AKAIN1: variants seen among roughly 807,000 people sequenced by gnomAD.
AKAIN1 encodes the protein A-kinase anchor protein inhibitor 1.
In AKAIN1, 3 loss-of-function variants were observed where a neutral mutation model predicts 3.7. The ratio of observed to expected loss-of-function variants is 0.82; its 90% confidence interval spans 0.37 to 2.12. The LOEUF (loss-of-function observed/expected upper bound fraction) is 2.12, where lower values mean the gene tolerates loss of function less well. Ranked by LOEUF, AKAIN1 falls within the 30% of genes most tolerant of loss-of-function variation. The pLI is 0.06. For synonymous variants in AKAIN1, 31 were observed against 30.8 expected, an observed-to-expected ratio of 1.01 and a Z score of -0.02; for missense variants, 82 against 82.7, an observed-to-expected ratio of 0.99 and a Z score of 0.03.
chr18:5,177,676 A>T (rs2071234008), intron 1 of AKAIN1, among the ~76,000 whole-genome samples: 1 of 152,172 alleles, frequency 6.6e-6, no homozygotes, highest in Admixed American at 6.5e-5. Flanking sequence ...TAAATAATAA[A>T]AAATGCTGTT....
At chr18:5,171,657 T>C (rs2071198625) in intron 1 of AKAIN1, among the ~76,000 whole-genome samples, 1 of 152,086 alleles carries the variant, frequency 6.6e-6, no homozygotes, top group Non-Finnish European at 1.5e-5. Context: ...TCACCCCAGC[T>C]AAAATGGTTT....
chr18:5,153,859 C>A (rs891249311), intron 1 of AKAIN1, among the ~76,000 whole-genome samples: 1 of 151,490 alleles, frequency 6.6e-6, no homozygotes, highest in Non-Finnish European at 1.5e-5. Flanking sequence ...AAATGAACCA[C>A]TCTGTGGGGG....
chr18:5,186,623 T>A (rs193046518), intron 1 of AKAIN1, among the ~76,000 whole-genome samples: 1 of 152,238 alleles, frequency 6.6e-6, no homozygotes, highest in African/African-American at 2.4e-5. Context: ...TTCTAGTAAT[T>A]AATATGCCAA....
intron 1 of AKAIN1, among the ~76,000 whole-genome samples, chr18:5,155,099 T>A (rs1249277507): frequency 2.0e-5 from 3 of 152,008 alleles, no homozygotes; most frequent in Admixed American, 2.0e-4. Flanking sequence ...TTGCCCAGGC[T>A]AGTCTCGAAC....
intron 1 of AKAIN1, among the ~76,000 whole-genome samples, chr18:5,179,363 C>A (rs1049627069): frequency 2.6e-5 from 4 of 151,906 alleles, no homozygotes; most frequent in Admixed American, 1.3e-4. Flanking sequence ...CATGTTGCCA[C>A]AAAAGACATG....
At chr18:5,196,830 C>T (rs1289686655) in intron 1 of AKAIN1, among the ~76,000 whole-genome samples, 1 of 152,168 alleles carries the variant, frequency 6.6e-6, no homozygotes, top group Non-Finnish European at 1.5e-5. Context: ...CGAGGAAGGG[C>T]TGGAGATTGT....
At chr18:5,157,881 A>G (rs2071117308) in intron 1 of AKAIN1, among the ~76,000 whole-genome samples, 1 of 151,998 alleles carries the variant, frequency 6.6e-6, no homozygotes, top group Admixed American at 6.6e-5. Flanking sequence ...TTTTGCAGAG[A>G]TAGGGTCTCA....
intron 1 of AKAIN1, among the ~76,000 whole-genome samples, chr18:5,166,537 C>CTA (rs1474725069): frequency 6.6e-6 from 1 of 152,004 alleles, no homozygotes; most frequent in Admixed American, 6.6e-5. Context: ...CACCATACTT[C>CTA]TATATACTTC....
At chr18:5,184,033 C>T (rs1009818) in intron 1 of AKAIN1, among the ~76,000 whole-genome samples, 1 of 151,710 alleles carries the variant, frequency 6.6e-6, no homozygotes, top group South Asian at 2.1e-4. Context: ...CAAAAAACAC[C>T]AAAATATGAA....
Position 5,197,119 on chromosome 18 carries a change from A to C in AKAIN1, c.-66T>G. ...GACAGGCAGACGGAGGATGGGAAGAAGGCCGGACTTGGCGGGGTCCGGTGC... is the reference window on the plus strand; with the variant it reads ...GACAGGCAGACGGAGGATGGGAAGACGGCCGGACTTGGCGGGGTCCGGTGC... On this transcript the variant is annotated 5_prime_UTR_variant, in exon 1 of 2. Transcript: ENST00000434239. The surrounding 1 kb of genome is among the most constrained non-coding windows in gnomAD (Gnocchi z 6.9). 1.3e-6 allele frequency: 2 copies of C among 1,548,714 alleles called. No individual in the cohort carries two copies. The highest frequency in any genetic ancestry group is 1.7e-6 in the Non-Finnish European group (2 of 1,146,674).
At chr18:5,178,866 A>C (rs2071241100) in intron 1 of AKAIN1, among the ~76,000 whole-genome samples, 1 of 152,144 alleles carries the variant, frequency 6.6e-6, no homozygotes, top group African/African-American at 2.4e-5. Flanking sequence ...ACAGATAGTA[A>C]TGGGGTGAGC....
chr18:5,171,513 T>A (rs2071197554), intron 1 of AKAIN1, among the ~76,000 whole-genome samples: 1 of 151,950 alleles, frequency 6.6e-6, no homozygotes, highest in African/African-American at 2.4e-5. Context: ...AATAATCCAA[T>A]AAAAAATGGG....
chr18:5,181,175 C>T (rs963005540), intron 1 of AKAIN1, among the ~76,000 whole-genome samples: 10 of 151,854 alleles, frequency 6.6e-5, no homozygotes, highest in African/African-American at 1.9e-4. Context: ...GGCTGTAGTC[C>T]CTGCTACTCA....
chr18:5,181,014 G>T (rs149186534), intron 1 of AKAIN1, among the ~76,000 whole-genome samples: 1 of 152,024 alleles, frequency 6.6e-6, no homozygotes, highest in Middle Eastern at 3.2e-3. Flanking sequence ...ACAGCCAGGT[G>T]TGGTGGCTCA....
At chr18:5,151,425 G>A (rs2071079532) in intron 1 of AKAIN1, among the ~76,000 whole-genome samples, 1 of 152,188 alleles carries the variant, frequency 6.6e-6, no homozygotes, top group Admixed American at 6.6e-5. Flanking sequence ...TACCAAGCAA[G>A]CTAAAGTTAC....
chr18:5,173,456 G>A lies in AKAIN1; in HGVS notation c.16+23582C>T, dbSNP rs116952499. Among the ~76,000 whole-genome samples, 1,376 of 152,216 alleles carry A rather than the reference G, an allele frequency of 9.0e-3. 9 individuals are homozygous for A. Among genetic ancestry groups the A allele is most frequent in the Non-Finnish European group, 0.014 (972 of 68,010 alleles). On this transcript the variant is annotated intron_variant, in intron 1 of 1. Coordinates refer to ENST00000434239, the MANE Select transcript of AKAIN1 (RefSeq NM_001145194.2). ...CTGGGAGCCAAAACAGAAATCAGGG[G>A]TTGAGTTTTGTTACATTTTAGTTGG... is the stretch of plus-strand genomic sequence containing the variant.
At chr18:5,196,164 T>G (rs1229504767) in intron 1 of AKAIN1, among the ~76,000 whole-genome samples, 1 of 152,210 alleles carries the variant, frequency 6.6e-6, no homozygotes, top group African/African-American at 2.4e-5. Context: ...CCCCACTCCC[T>G]GTTTTCCACA....
chr18:5,182,977 C>T (rs1489734011), intron 1 of AKAIN1, among the ~76,000 whole-genome samples: 4 of 151,990 alleles, frequency 2.6e-5, no homozygotes, highest in African/African-American at 9.7e-5. Context: ...TTACCTAGTG[C>T]ACATATTTTT....
intron 1 of AKAIN1, among the ~76,000 whole-genome samples, chr18:5,168,911 T>C (rs1158690621): frequency 1.4e-5 from 2 of 139,538 alleles, no homozygotes; most frequent in Non-Finnish European, 3.1e-5. Context: ...CAAAAAGGGA[T>C]GGGGGAGCTA....
Sources: gnomAD v4.1 joint callset for allele counts (sites outside exome capture counted in the v4.1 genomes callset) on GRCh38, gnomAD v4.1.1 for gene constraint, Gnocchi (gnomAD v3.1) non-coding constraint, MANE v1.5 for transcripts, NCBI Gene and HGNC (gene_info 2026-07-23, HGNC 2026-07-21) for gene names.